Variants in ADGRB3 observed in about 807,000 individuals in gnomAD.
The protein encoded by ADGRB3 is brain-specific angiogenesis inhibitor 3.
Under a neutral mutation model 193.4 loss-of-function variants are expected in ADGRB3, and 37 were observed. The ratio of observed to expected loss-of-function variants is 0.19; its 90% confidence interval spans 0.15 to 0.25. ADGRB3 has a LOEUF of 0.25. Among genes scored for constraint, ADGRB3 ranks in the 10% least tolerant of loss-of-function variants. ADGRB3 has a pLI of 1.00. For synonymous variants in ADGRB3, 690 were observed against 644.2 expected (o/e 1.07, Z -1.08); for missense variants, 1,637 against 1,852.9 (o/e 0.88, Z 2.14).
intron 11 of ADGRB3, among the ~76,000 whole-genome samples, chr6:68,996,432 T>C (rs1254139135): frequency 6.6e-6 from 1 of 152,190 alleles, no homozygotes; most frequent in Non-Finnish European, 1.5e-5. Flanking sequence ...CTCAAAAACC[T>C]TTGGTAGAGC....
At chr6:68,784,304 A>C (rs1766916900) in intron 3 of ADGRB3, among the ~76,000 whole-genome samples, 1 of 152,064 alleles carries the variant, frequency 6.6e-6, no homozygotes, top group South Asian at 2.1e-4. Flanking sequence ...TGTTACTTTT[A>C]CACTTGATTT....
chr6:68,683,794 C>T lies in ADGRB3; in HGVS notation c.757+44362C>T, dbSNP rs141308800. ...AATAGTTTCCTTCATTATACCTTTA[C>T]GGCAGTGTCCCTCTGTCTTTGCAAA... is the stretch of plus-strand genomic sequence containing the variant. On this transcript the variant is annotated intron_variant, in intron 3 of 31. Coordinates refer to ENST00000370598, the MANE Select transcript of ADGRB3 (RefSeq NM_001704.3). Among the ~76,000 whole-genome samples, 14 of 152,170 alleles carry T rather than the reference C, an allele frequency of 9.2e-5. No homozygotes were observed. In the East Asian group the frequency reaches 1.4e-3, roughly 15 times the overall value.
At chr6:69,129,879 T>G (rs1326960591) in intron 17 of ADGRB3, among the ~76,000 whole-genome samples, 1 of 152,172 alleles carries the variant, frequency 6.6e-6, no homozygotes, top group Non-Finnish European at 1.5e-5. Flanking sequence ...CTGGAATATC[T>G]TTCCTAGACT....
At chr6:68,999,465 C>T (rs973728910) in intron 11 of ADGRB3, among the ~76,000 whole-genome samples, 30 of 152,168 alleles carry the variant, frequency 2.0e-4, no homozygotes, top group African/African-American at 6.5e-4. Flanking sequence ...GGGGTTTCAC[C>T]GTGTTAGCCA....
chr6:68,866,635 AT>A (rs1765304168), intron 3 of ADGRB3, among the ~76,000 whole-genome samples: 1 of 152,200 alleles, frequency 6.6e-6, no homozygotes, highest in African/African-American at 2.4e-5. Flanking sequence ...AAAGTTTGGA[AT>A]TTCCTAGAGA....
At chr6:68,753,532 G>A (rs776360764) in intron 3 of ADGRB3, among the ~76,000 whole-genome samples, 9 of 152,094 alleles carry the variant, frequency 5.9e-5, no homozygotes, top group African/African-American at 1.4e-4. Context: ...GGTCAAGTTC[G>A]CACTATGTAA....
intron 3 of ADGRB3, among the ~76,000 whole-genome samples, chr6:68,726,928 G>C (rs1374257376): frequency 6.6e-6 from 1 of 151,482 alleles, no homozygotes; most frequent in African/African-American, 2.4e-5. Flanking sequence ...TTCCTCATTG[G>C]ATAAAATCAA....
chr6:69,192,012 C>G (rs907906288), intron 17 of ADGRB3, among the ~76,000 whole-genome samples: 1 of 152,038 alleles, frequency 6.6e-6, no homozygotes, highest in Non-Finnish European at 1.5e-5. Context: ...ATAATTGTTA[C>G]CCTTAATCTT....
chr6:69,060,171 A>C (rs1285233824), intron 15 of ADGRB3, among the ~76,000 whole-genome samples: 1 of 150,530 alleles, frequency 6.6e-6, no homozygotes, highest in South Asian at 2.1e-4. Context: ...ATATTAAAAC[A>C]TACACACATT....
chr6:68,827,804 C>G (rs1767873589), intron 3 of ADGRB3, among the ~76,000 whole-genome samples: 1 of 152,104 alleles, frequency 6.6e-6, no homozygotes, highest in Non-Finnish European at 1.5e-5. Flanking sequence ...TAATCTAGCC[C>G]CTTTCTCTAT....
At chr6:69,091,129 T>A (rs546827329) in intron 17 of ADGRB3, among the ~76,000 whole-genome samples, 14 of 152,142 alleles carry the variant, frequency 9.2e-5, no homozygotes, top group African/African-American at 3.4e-4. Flanking sequence ...TACTAAAAAG[T>A]CAAGAAATAA....
intron 3 of ADGRB3, among the ~76,000 whole-genome samples, chr6:68,693,357 A>T (rs1420876718): frequency 1.3e-5 from 2 of 151,866 alleles, no homozygotes; most frequent in Non-Finnish European, 2.9e-5. Context: ...ACTAGTGTAC[A>T]CTCCTTAAAA....
At chr6:69,007,239 TG>T (rs1769787152) in intron 11 of ADGRB3, among the ~76,000 whole-genome samples, 1 of 152,172 alleles carries the variant, frequency 6.6e-6, no homozygotes, top group Non-Finnish European at 1.5e-5. Context: ...CCATCATCTT[TG>T]GCCTCAATAA....
At chr6:68,958,577 T>G (rs1768141917) in intron 8 of ADGRB3, among the ~76,000 whole-genome samples, 1 of 152,096 alleles carries the variant, frequency 6.6e-6, no homozygotes, top group Admixed American at 6.6e-5. Context: ...TTGAAAAACA[T>G]TTTACAGATC....
chr6:68,939,353 A>C (rs1323216744), intron 5 of ADGRB3, among the ~76,000 whole-genome samples: 5 of 152,178 alleles, frequency 3.3e-5, no homozygotes, highest in Non-Finnish European at 7.3e-5. Context: ...CACTAGGCAT[A>C]AGTGACTCAA....
intron 17 of ADGRB3, among the ~76,000 whole-genome samples, chr6:69,227,526 A>G (rs1162667806): frequency 6.6e-6 from 1 of 152,208 alleles, no homozygotes; most frequent in Non-Finnish European, 1.5e-5. Context: ...GCAAGAGATG[A>G]TGGTGGCTTG....
chr6:68,881,988 T>C (rs562537), intron 3 of ADGRB3, among the ~76,000 whole-genome samples: 48,105 of 152,068 alleles, frequency 0.32, 8,226 homozygotes, highest in East Asian at 0.59. Flanking sequence ...TAATTGCTTA[T>C]GTGGAATCTA....
At chr6:69,371,319 T>G (rs1378700910) in intron 29 of ADGRB3, among the ~76,000 whole-genome samples, 1 of 152,082 alleles carries the variant, frequency 6.6e-6, no homozygotes, top group Non-Finnish European at 1.5e-5. Context: ...AGAAACTACA[T>G]TAGTGCTTCT....
intron 16 of ADGRB3, among the ~76,000 whole-genome samples, chr6:69,069,397 A>G (rs894690131): frequency 4.0e-5 from 6 of 151,646 alleles, no homozygotes; most frequent in Non-Finnish European, 7.4e-5. Flanking sequence ...TACGTCTACT[A>G]ATGTCTTGCT....
Sources: gnomAD v4.1 joint callset for allele counts (sites outside exome capture counted in the v4.1 genomes callset) on GRCh38, gnomAD v4.1.1 for gene constraint, MANE v1.5 for transcripts, NCBI Gene and HGNC (gene_info 2026-07-23, HGNC 2026-07-21) for gene names.